The following DYM variants were observed in gnomAD, a reference collection of about 807,000 sequenced individuals.
DYM encodes the protein dyggve-Melchior-Clausen syndrome protein.
In DYM, 78 loss-of-function variants were observed where a neutral mutation model predicts 93.1. The ratio of observed to expected loss-of-function variants is 0.84; its 90% CI spans 0.70 to 1.01. The LOEUF (loss-of-function observed/expected upper bound fraction) is 1.01. Among genes scored for constraint, DYM ranks in the 50% least tolerant of loss-of-function variants. DYM has a pLI of 0.00. For missense variants in DYM, 789 were observed against 845.0 expected, an observed-to-expected ratio of 0.93 and a Z score of 0.82; for synonymous variants, 321 against 319.7, an observed-to-expected ratio of 1.00 and a Z score of -0.04.
intron 2 of DYM, among the ~76,000 whole-genome samples, chr18:49,406,478 T>C (rs1442063802): frequency 1.3e-5 from 2 of 152,066 alleles, no homozygotes; most frequent in African/African-American, 4.8e-5. Context: ...CAAGAATTAC[T>C]TGAACCTGGG....
chr18:49,244,574 T>C (rs1390455289), intron 13 of DYM, among the ~76,000 whole-genome samples: 4 of 152,208 alleles, frequency 2.6e-5, no homozygotes, highest in Non-Finnish European at 1.5e-5. Flanking sequence ...TCACTGTCCA[T>C]AGACAAGCTA....
At chr18:49,433,296 A>C (rs927649106) in intron 1 of DYM, among the ~76,000 whole-genome samples, 12 of 152,242 alleles carry the variant, frequency 7.9e-5, no homozygotes, top group African/African-American at 2.9e-4. Flanking sequence ...AAAGTAAATA[A>C]TTTCGTATAG....
At chr18:49,126,935 T>C (rs1375151751) in intron 15 of DYM, among the ~76,000 whole-genome samples, 1 of 152,240 alleles carries the variant, frequency 6.6e-6, no homozygotes, top group African/African-American at 2.4e-5. Flanking sequence ...TTTATAAAAG[T>C]AGTCAATGTA....
intron 9 of DYM, among the ~76,000 whole-genome samples, chr18:49,283,359 C>T (rs1338090543): frequency 6.6e-6 from 1 of 151,868 alleles, no homozygotes; most frequent in Non-Finnish European, 1.5e-5. Context: ...ACTTCTATAA[C>T]TTTTTTTAAA....
chr18:49,319,474 T>C (rs2062298289), intron 8 of DYM, among the ~76,000 whole-genome samples: 1 of 152,114 alleles, frequency 6.6e-6, no homozygotes, highest in Admixed American at 6.5e-5. Context: ...ACAAGAAAGA[T>C]AAAAACATTT....
intron 2 of DYM, among the ~76,000 whole-genome samples, chr18:49,421,637 C>T (rs1054652328): frequency 3.3e-5 from 5 of 152,340 alleles, no homozygotes; most frequent in African/African-American, 1.2e-4. Flanking sequence ...CAGAACAAAG[C>T]TGGACGGAGA....
intron 8 of DYM, among the ~76,000 whole-genome samples, chr18:49,295,272 T>C (rs946466614): frequency 2.0e-5 from 3 of 152,172 alleles, no homozygotes; most frequent in Non-Finnish European, 2.9e-5. Flanking sequence ...CTACTTGACC[T>C]CCATACCATG....
intron 13 of DYM, among the ~76,000 whole-genome samples, chr18:49,225,111 C>T (rs2093482963): frequency 6.6e-6 from 1 of 152,132 alleles, no homozygotes; most frequent in African/African-American, 2.4e-5. Flanking sequence ...GAATGTAAGA[C>T]TTCCTGAGAT....
At chr18:49,247,100 A>G (rs2094189329) in intron 13 of DYM, among the ~76,000 whole-genome samples, 1 of 152,184 alleles carries the variant, frequency 6.6e-6, no homozygotes, top group Admixed American at 6.6e-5. Context: ...TATCAAATAC[A>G]TTAAAGATGT....
At chr18:49,344,360 T>C (rs1370934987) in intron 6 of DYM, among the ~76,000 whole-genome samples, 1 of 152,140 alleles carries the variant, frequency 6.6e-6, no homozygotes, top group Non-Finnish European at 1.5e-5. Context: ...GGCTAACTCA[T>C]ATTCATAACT....
chr18:49,185,424 G>A (rs2090342797), intron 14 of DYM, among the ~76,000 whole-genome samples: 1 of 152,152 alleles, frequency 6.6e-6, no homozygotes, highest in East Asian at 1.9e-4. Context: ...GTCTACTTAT[G>A]AAAAGTAAGA....
At chr18:49,200,471 TTC>T (rs2091899968) in intron 14 of DYM, among the ~76,000 whole-genome samples, 1 of 151,858 alleles carries the variant, frequency 6.6e-6, no homozygotes, top group African/African-American at 2.4e-5. Flanking sequence ...GAAGCTTATA[TTC>T]TTTTTTCATA....
intron 14 of DYM, among the ~76,000 whole-genome samples, chr18:49,178,428 C>G (rs573831532): frequency 6.6e-6 from 1 of 152,158 alleles, no homozygotes. Flanking sequence ...GTCTTTACTT[C>G]AAACTCCTAA....
intron 13 of DYM, among the ~76,000 whole-genome samples, chr18:49,219,510 A>C (rs2093249955): frequency 6.6e-6 from 1 of 152,220 alleles, no homozygotes; most frequent in Admixed American, 6.5e-5. Flanking sequence ...ATCCTCAATA[A>C]AATACTGGCA....
intron 3 of DYM, 126 bp from the exon 4 acceptor site, chr18:49,379,884 TC>T: frequency 1.4e-6 from 1 of 732,142 alleles, no homozygotes; most frequent in Non-Finnish European, 2.4e-6. Flanking sequence ...ACTGTTAATT[TC>T]ATACCTAATT....
intron 6 of DYM, among the ~76,000 whole-genome samples, chr18:49,361,040 C>T (rs2065971030): frequency 6.6e-6 from 1 of 152,218 alleles, no homozygotes; most frequent in Non-Finnish European, 1.5e-5. Context: ...ATACTTGACC[C>T]AAACTATGTC....
intron 8 of DYM, among the ~76,000 whole-genome samples, chr18:49,324,388 T>C (rs2062740577): frequency 1.3e-5 from 2 of 152,284 alleles, no homozygotes; most frequent in Middle Eastern, 3.4e-3. Context: ...AAGGCAAATA[T>C]AATAACCTTT....
At chr18:49,394,003 T>C (rs572865982) in intron 2 of DYM, among the ~76,000 whole-genome samples, 81 of 152,230 alleles carry the variant, frequency 5.3e-4, no homozygotes, top group African/African-American at 1.9e-3. Context: ...GAACTAGTGT[T>C]TAGTCAGTAT....
chr18:49,256,046 G>A (rs1014268851), intron 13 of DYM, among the ~76,000 whole-genome samples: 1 of 143,776 alleles, frequency 7.0e-6, no homozygotes, highest in Non-Finnish European at 1.5e-5. Flanking sequence ...ATCGCACCAC[G>A]GCACTCCATC....
Sources: gnomAD v4.1 joint callset for allele counts (sites outside exome capture counted in the v4.1 genomes callset) on GRCh38, gnomAD v4.1.1 for gene constraint, MANE v1.5 for transcripts, NCBI Gene and HGNC (gene_info 2026-07-23, HGNC 2026-07-21) for gene names.